Variants in TERB1 observed in about 807,000 individuals in gnomAD.
TERB1 encodes telomere repeat binding bouquet formation protein 1, also known as telomere repeats-binding bouquet formation protein 1.
In TERB1, 63 loss-of-function variants were observed where a neutral mutation model predicts 92.3. The ratio of observed to expected loss-of-function variants is 0.68; its 90% CI spans 0.56 to 0.84. The LOEUF (loss-of-function observed/expected upper bound fraction) is 0.84. TERB1 is among the 40% of genes least tolerant of loss of function. The pLI, the probability that TERB1 is intolerant of heterozygous loss-of-function variation, is 0.00. For synonymous variants in TERB1, 252 were observed against 283.9 expected, an observed-to-expected ratio of 0.89 and a Z score of 1.13; for missense variants, 709 against 843.7, an observed-to-expected ratio of 0.84 and a Z score of 1.98.
chr16:66,788,262 A>G lies in TERB1; in HGVS notation c.307T>C (p.Phe103Leu). Residue 103 changes from phenylalanine (F) to leucine (L), a missense_variant, in exon 6 of 19, where the codon TTT (phenylalanine) becomes CTT (leucine). Phe to Leu is a conservative substitution (Grantham distance 22, BLOSUM62 0). Coordinates refer to ENST00000433154, the MANE Select transcript of TERB1 (RefSeq NM_001136505.2). The stretch of plus-strand genomic sequence containing the variant: ...GATAAGAACCAAGTTAAGTCTTCAA[A>G]CAACTCTGAAGTACACAAAGTCTGC... ...CQQTLCTSEL[F>L]EDLTWFLSND... is the part of the protein sequence containing the mutation. 1 of 1,512,926 alleles carries G rather than the reference A, an allele frequency of 6.6e-7. No individual in the cohort carries two copies. The highest frequency in any genetic ancestry group is 8.8e-7 in the Non-Finnish European group (1 of 1,132,936). 93.7% of individuals were successfully genotyped at this position (1,512,926 alleles called of 1,614,324 possible).
rs1296586472 is a variant in TERB1 at position 66,788,173 on chromosome 16, A to T, written c.396T>A (p.Asn132Lys). The part of the protein sequence containing the change: ...SVYVILVLVS[N>K]NRTGQTLVRE... ...GTCATAAGAGAATGTACTTACTATT[A>T]TTTGAAACCAGAACCAAAATAACAT... is the stretch of plus-strand genomic sequence containing the variant. The change falls in exon 6 of 19, where the codon AAT becomes AAA. Residue 132 changes from asparagine to lysine, a missense_variant. Asn to Lys is a moderately conservative substitution (Grantham distance 94). Coordinates refer to ENST00000433154, the MANE Select transcript of TERB1 (RefSeq NM_001136505.2). 6.8e-7 allele frequency: 1 copy of T among 1,460,910 alleles called. No homozygotes were observed. The allele number at this position is 1,460,910 out of a possible 1,614,324, so 90.5% of individuals were successfully genotyped here.
intron 3 of TERB1, among the ~76,000 whole-genome samples, chr16:66,794,418 G>A (rs990752287): frequency 2.0e-5 from 3 of 150,060 alleles, no homozygotes; most frequent in African/African-American, 7.4e-5. Flanking sequence ...ACTTCTTTAC[G>A]TATTCCTCCA....
intron 16 of TERB1, among the ~76,000 whole-genome samples, 169 bp from the exon 17 acceptor site, chr16:66,759,459 G>A (rs1420666896): frequency 6.6e-6 from 1 of 152,120 alleles, no homozygotes; most frequent in African/African-American, 2.4e-5. Context: ...ACAACAGAGT[G>A]AAATAAGTGC....
At chr16:66,757,122 T>C (rs1281515117) in intron 18 of TERB1, among the ~76,000 whole-genome samples, 1 of 152,172 alleles carries the variant, frequency 6.6e-6, no homozygotes, top group Non-Finnish European at 1.5e-5. Flanking sequence ...ATACCAAATA[T>C]TCCTGGCCGG....
At chr16:66,767,208 G>T (rs922341851) in intron 16 of TERB1, among the ~76,000 whole-genome samples, 1 of 151,554 alleles carries the variant, frequency 6.6e-6, no homozygotes, top group African/African-American at 2.4e-5. Context: ...GTGTGGTAGT[G>T]GGCACCTGTA....
intron 3 of TERB1, 99 bp downstream of exon 3, chr16:66,796,669 C>T (rs1249416028): frequency 2.3e-6 from 2 of 881,840 alleles, no homozygotes; most frequent in Non-Finnish European, 1.8e-6. Context: ...ATGTAAATGG[C>T]TGAATGATTC....
intron 5 of TERB1, among the ~76,000 whole-genome samples, chr16:66,790,343 AAGAAAGAG>A (rs1567477921): frequency 3.6e-5 from 5 of 137,768 alleles, no homozygotes; most frequent in African/African-American, 1.7e-4. Flanking sequence ...AGAGAAAAGA[AAGAAAGAG>A]AGAGAGAGAG....
intron 3 of TERB1, among the ~76,000 whole-genome samples, chr16:66,796,312 TC>T (rs2018928774): frequency 6.6e-6 from 1 of 152,208 alleles, no homozygotes; most frequent in Non-Finnish European, 1.5e-5. Flanking sequence ...GATACCACAT[TC>T]CTCTCTTTTC....
intron 3 of TERB1, among the ~76,000 whole-genome samples, chr16:66,792,994 T>G (rs1425587936): frequency 6.6e-6 from 1 of 150,756 alleles, no homozygotes; most frequent in African/African-American, 2.4e-5. Context: ...TTTTAAAATT[T>G]TATTTTATTT....
In TERB1 at chr16:66,784,773, C is replaced by T. The variant is rs1336828886; in HGVS notation, c.700+1013G>A. On this transcript the variant is annotated intron_variant, in intron 9 of 18. Transcript: ENST00000433154. ...ATTTTTTTTTTTTTTTTTTTTGAAA[C>T]GGAGTCTCATTCTGTCACCCAGGCT... Among the ~76,000 whole-genome samples, 5 of 121,136 alleles carry T rather than the reference C, an allele frequency of 4.1e-5. No homozygotes were observed. In the East Asian group the frequency reaches 9.6e-4, roughly 23 times the overall value. The allele number at this position is 121,136 out of a possible 152,430, so 79.5% of individuals were successfully genotyped here.
At chr16:66,766,232 G>C (rs1597011316) in intron 16 of TERB1, among the ~76,000 whole-genome samples, 1 of 152,236 alleles carries the variant, frequency 6.6e-6, no homozygotes, top group Admixed American at 6.5e-5. Flanking sequence ...AGGAGTTAAT[G>C]AATAGAATGG....
At chr16:66,781,991 CAAGG>C (rs2018645945) in intron 9 of TERB1, among the ~76,000 whole-genome samples, 1 of 152,148 alleles carries the variant, frequency 6.6e-6, no homozygotes, top group Admixed American at 6.5e-5. Flanking sequence ...TGCCTACCCC[CAAGG>C]TGTGAGAATC....
chr16:66,758,737 T>A (rs943410780), intron 18 of TERB1, 36 bp downstream of exon 18: 3 of 1,315,706 alleles, frequency 2.3e-6, no homozygotes. Context: ...CCAGACCCTG[T>A]CTCAAGAAAA....
intron 10 of TERB1, among the ~76,000 whole-genome samples, chr16:66,778,442 T>G (rs2018584653): frequency 6.6e-6 from 1 of 151,816 alleles, no homozygotes; most frequent in Non-Finnish European, 1.5e-5. Flanking sequence ...AGATGGAGTT[T>G]TGTACTTGTC....
rs755890907 is a variant in TERB1, at chr16:66,770,328, A to C, written c.1273-19T>G. 3.6e-6 allele frequency: 5 copies of C among 1,406,304 alleles called. No homozygotes were observed. The South Asian group carries it at 6.8e-5, about 19-fold the overall frequency. 87.1% of individuals were successfully genotyped at this position (1,406,304 alleles called of 1,614,324 possible). A position where few individuals can be genotyped will look rare whatever the true frequency, so the allele number is the denominator to read the frequency against. On this transcript the variant is annotated intron_variant, in intron 13 of 18. Coordinates refer to ENST00000433154, the MANE Select transcript of TERB1 (RefSeq NM_001136505.2). ...TTTCTTCCTATAGTGTAAAAATGAC[A>C]AATAATTTCAATATAATCCATTCCC...
intron 17 of TERB1, 67 bp from the exon 18 acceptor site, chr16:66,758,905 T>C: frequency 9.2e-7 from 1 of 1,090,318 alleles, no homozygotes. Flanking sequence ...ATCAATTCCA[T>C]TAGTATATTT....
At chr16:66,761,359 G>C (rs1016899764) in intron 16 of TERB1, among the ~76,000 whole-genome samples, 3 of 146,576 alleles carry the variant, frequency 2.0e-5, no homozygotes, top group African/African-American at 7.6e-5. Context: ...GGCTGAGGTG[G>C]AAGAATTGCT....
chr16:66,762,494 C>T (rs2018268985), intron 16 of TERB1, among the ~76,000 whole-genome samples: 1 of 151,814 alleles, frequency 6.6e-6, no homozygotes, highest in South Asian at 2.1e-4. Flanking sequence ...AAGTGATCCT[C>T]CAGCCTCAGT....
intron 3 of TERB1, among the ~76,000 whole-genome samples, chr16:66,794,311 G>C (rs1567479696): frequency 6.6e-6 from 1 of 151,864 alleles, no homozygotes; most frequent in African/African-American, 2.4e-5. Flanking sequence ...TGTTGCCCAG[G>C]CTGGTTTCAA....
Sources: gnomAD v4.1 joint callset for allele counts (sites outside exome capture counted in the v4.1 genomes callset) on GRCh38, gnomAD v4.1.1 for gene constraint, MANE v1.5 for transcripts, NCBI Gene and HGNC (gene_info 2026-07-23, HGNC 2026-07-21) for gene names.